CNTN6: variants seen among roughly 807,000 people sequenced by gnomAD.
CNTN6 encodes contactin-6.
Under a neutral mutation model 122.8 loss-of-function variants are expected in CNTN6, and 137 were observed. The ratio of observed to expected loss-of-function variants is 1.12; its 90% CI spans 0.97 to 1.29. The LOEUF (loss-of-function observed/expected upper bound fraction) is 1.29, where lower values mean the gene tolerates loss of function less well. Among genes scored for constraint, CNTN6 ranks in the 50% most tolerant of loss-of-function variants. The pLI is 0.00. For synonymous variants in CNTN6, 570 were observed against 426.0 expected (o/e 1.34, Z -4.16); for missense variants, 1,634 against 1,223.4 (o/e 1.34, Z -5.01).
rs531363588 is a variant in CNTN6 at position 1,370,011 on chromosome 3, T to A, written c.1493-2288T>A. On this transcript the variant is annotated intron_variant, in intron 12 of 22. Transcript: ENST00000446702. ...CTAAAGTATATAAAGTAATAATGAT[T>A]CCCTCTCTTTCTCTTACCCTTCAAC... 1.6e-3 allele frequency among the ~76,000 whole-genome samples: 239 copies of A among 152,178 alleles called. 1 individual carries two copies. The highest frequency in any genetic ancestry group is 5.5e-3 in the African/African-American group (227 of 41,564).
At chr3:1,358,485 T>C (rs1012262526) in intron 12 of CNTN6, among the ~76,000 whole-genome samples, 4 of 151,556 alleles carry the variant, frequency 2.6e-5, no homozygotes, top group Non-Finnish European at 4.4e-5. Flanking sequence ...GAATAAACTA[T>C]GTCATTAAGA....
chr3:1,196,455 TTTTTTG>T (rs939464530), intron 2 of CNTN6, among the ~76,000 whole-genome samples: 26 of 152,328 alleles, frequency 1.7e-4, no homozygotes, highest in South Asian at 6.2e-4. Context: ...AAGAAGAGAT[TTTTTTG>T]TTTTTGTTTT....
Position 1,327,451 on chromosome 3 carries a change from T to C in CNTN6, c.1084-6T>C, listed in dbSNP as rs765284998. 2 of 1,609,406 alleles carry C rather than the reference T, an allele frequency of 1.2e-6. No homozygotes were observed. Among genetic ancestry groups the C allele is most frequent in the South Asian group, 1.1e-5 (1 of 90,822 alleles). ...AAGCATCTTTATATGCCTTTTCCTT[T>C]ATTAGGAGAGAATTCAAATAGAAAA... On this transcript the variant is annotated splice_polypyrimidine_tract_variant and splice_region_variant and intron_variant, in intron 9 of 22. Coordinates refer to ENST00000446702, the MANE Select transcript of CNTN6 (RefSeq NM_001289080.2).
In CNTN6 at chr3:1,199,369, AGGGTCTCACCATGTT is replaced by A. The variant is rs1013069938; in HGVS notation, c.56-21316_56-21302del. On this transcript the variant is annotated intron_variant, in intron 2 of 22. Transcript: ENST00000446702. The stretch of plus-strand genomic sequence containing the variant: ...TAATTTTTGTAATTTTTATAGAGAC[AGGGTCTCACCATGTT>A]GCCAAAGCTGGTCTCAAACTCCTAG... Among the ~76,000 whole-genome samples the A allele has an allele frequency of 5.3e-5, 8 of 151,582 alleles. No homozygotes were observed. In the South Asian group the frequency reaches 1.3e-3, roughly 24 times the overall value.
At chr3:1,307,938 C>G (rs1698619280) in intron 7 of CNTN6, among the ~76,000 whole-genome samples, 1 of 152,098 alleles carries the variant, frequency 6.6e-6, no homozygotes, top group South Asian at 2.1e-4. Context: ...TATCAGGGTT[C>G]TCCACTGTAA....
At chr3:1,129,674 C>T (rs1295291825) in intron 1 of CNTN6, among the ~76,000 whole-genome samples, 1 of 152,076 alleles carries the variant, frequency 6.6e-6, no homozygotes, top group Admixed American at 6.6e-5. Flanking sequence ...TTCTGTAACT[C>T]CAGCAAGTTT....
chr3:1,307,897 C>G (rs1447758519), intron 7 of CNTN6, among the ~76,000 whole-genome samples: 1 of 152,114 alleles, frequency 6.6e-6, no homozygotes, highest in Non-Finnish European at 1.5e-5. Flanking sequence ...ACAGATGATG[C>G]TGGCCTTGAT....
rs1223842292 is a variant in CNTN6, at chr3:1,372,822, C to G, written c.1669-16C>G. On this transcript the variant is annotated splice_polypyrimidine_tract_variant and intron_variant, in intron 13 of 22. Coordinates refer to ENST00000446702, the MANE Select transcript of CNTN6 (RefSeq NM_001289080.2). ...TGGGCTTACGTTTTTATCCATTTCT[C>G]CCTTTCTGTCTGCAGGAATCTGTTG... is the stretch of plus-strand genomic sequence containing the variant. 4.8e-6 allele frequency: 7 copies of G among 1,466,620 alleles called. No individual in the cohort carries two copies. Among genetic ancestry groups the G allele is most frequent in the South Asian group, 4.7e-5 (4 of 84,762 alleles). The allele number at this position is 1,466,620 out of a possible 1,614,324, so 90.9% of individuals were successfully genotyped here.
chr3:1,373,702 C>A lies in CNTN6; in HGVS notation c.1885C>A (p.Gln629Lys). ...RAGPDNNSPI[Q>K]IFTIQTRTPF... is the part of the protein sequence containing the mutation. ...AGGCCCAGATAATAACAGTCCCATT[C>A]AAATATTTACTATTCAGACTCGGAC... The change falls in exon 15 of 23, where the codon CAA becomes AAA. Residue 629 changes from glutamine (Q) to lysine (K), a missense_variant. Transcript: ENST00000446702. 6.2e-7 allele frequency: 1 copy of A among 1,612,956 alleles called. No homozygotes were observed. Among genetic ancestry groups the A allele is most frequent in the Non-Finnish European group, 8.5e-7 (1 of 1,179,306 alleles).
intron 20 of CNTN6, among the ~76,000 whole-genome samples, chr3:1,391,251 T>C (rs1480108555): frequency 8.6e-6 from 1 of 115,820 alleles, no homozygotes; most frequent in Admixed American, 9.2e-5. Context: ...TGGTTCAATA[T>C]ACACAAATCA....
At chr3:1,163,854 T>C (rs147107662) in intron 2 of CNTN6, among the ~76,000 whole-genome samples, 1,540 of 152,288 alleles carry the variant, frequency 0.01, 20 homozygotes, top group African/African-American at 0.035. Context: ...CGTAAGAACA[T>C]AAACACTTAG....
chr3:1,235,791 G>GAGGCT (rs1470961750), intron 4 of CNTN6, among the ~76,000 whole-genome samples: 8 of 152,130 alleles, frequency 5.3e-5, no homozygotes, highest in African/African-American at 1.9e-4. Flanking sequence ...TCTCAATAGG[G>GAGGCT]AGGCTGGTGG....
chr3:1,308,841 G>C (rs1375365777), intron 7 of CNTN6, among the ~76,000 whole-genome samples: 2 of 152,076 alleles, frequency 1.3e-5, no homozygotes, highest in Non-Finnish European at 2.9e-5. Context: ...CAGGTGTATA[G>C]TGGTATTTCC....
intron 1 of CNTN6, among the ~76,000 whole-genome samples, chr3:1,097,697 A>G (rs773521943): frequency 7.4e-4 from 113 of 152,168 alleles, no homozygotes; most frequent in Non-Finnish European, 1.5e-3. Flanking sequence ...TATTGACTTT[A>G]CAGTATTTTC....
intron 20 of CNTN6, among the ~76,000 whole-genome samples, chr3:1,387,501 C>T (rs1576020380): frequency 2.0e-5 from 3 of 151,936 alleles, no homozygotes; most frequent in Admixed American, 6.6e-5. Context: ...TTTCAGATTA[C>T]CTAGACATTT....
chr3:1,283,828 C>T (rs901816466), intron 5 of CNTN6, among the ~76,000 whole-genome samples: 15 of 152,064 alleles, frequency 9.9e-5, no homozygotes, highest in East Asian at 9.7e-4. Context: ...GGTGAAACCC[C>T]GTCTGTCCTA....
chr3:1,224,601 T>C (rs1396724259), intron 3 of CNTN6, among the ~76,000 whole-genome samples: 1 of 152,150 alleles, frequency 6.6e-6, no homozygotes, highest in Non-Finnish European at 1.5e-5. Flanking sequence ...AACACATTCT[T>C]TCAGCAAATA....
At chr3:1,220,896 ATGTCCTAATTTGTAG>A (rs1447977730) in intron 3 of CNTN6, 83 bp downstream of exon 3, 4 of 1,428,360 alleles carry the variant, frequency 2.8e-6, no homozygotes, top group African/African-American at 1.4e-5. Context: ...GTTTTATAAA[ATGTCCTAATTTGTAG>A]TGTACAGCTC....
At chr3:1,207,691 G>A (rs2093976622) in intron 2 of CNTN6, among the ~76,000 whole-genome samples, 1 of 151,342 alleles carries the variant, frequency 6.6e-6, no homozygotes, top group Non-Finnish European at 1.5e-5. Flanking sequence ...TACAAACGCT[G>A]TCACAGACTC....
Sources: gnomAD v4.1 joint callset for allele counts (sites outside exome capture counted in the v4.1 genomes callset) on GRCh38, gnomAD v4.1.1 for gene constraint, MANE v1.5 for transcripts, NCBI Gene and HGNC (gene_info 2026-07-23, HGNC 2026-07-21) for gene names.